The following TOP2A variants were observed in gnomAD, a reference collection of about 807,000 sequenced individuals.
TOP2A encodes the protein DNA topoisomerase II alpha.
Under a neutral mutation model 187.2 loss-of-function variants are expected in TOP2A, and 68 were observed. The ratio of observed to expected loss-of-function variants is 0.36; its 90% confidence interval spans 0.30 to 0.44. The LOEUF (loss-of-function observed/expected upper bound fraction) is 0.44, where lower values mean the gene tolerates loss of function less well. Ranked by LOEUF, TOP2A falls within the 20% of genes least tolerant of loss-of-function variation. TOP2A has a pLI of 1.00. For synonymous variants in TOP2A, 542 were observed against 593.2 expected (o/e 0.91, Z 1.25); for missense variants, 1,196 against 1,808.7 (o/e 0.66, Z 6.14).
At chr17:40,408,239 A>C (rs1460003898) in intron 11 of TOP2A, 115 bp from the exon 12 acceptor site, 4 of 899,890 alleles carry the variant, frequency 4.4e-6, no homozygotes, top group African/African-American at 1.7e-5. Context: ...TATAATGAGC[A>C]AAATTATTTG....
chr17:40,416,450 A>G lies in TOP2A; in HGVS notation c.240T>C (p.Gly80=), dbSNP rs779022619. 1 of 1,600,796 alleles carries G rather than the reference A, an allele frequency of 6.2e-7. No individual in the cohort carries two copies. Among genetic ancestry groups the G allele is most frequent in the Non-Finnish European group, 8.5e-7 (1 of 1,172,694 alleles). The part of the protein sequence containing the change: ...INYREVTFVP[G]LYKIFDEILV... ...GAATCTCATCAAAGATTTTGTACAA[A>G]CCAGGAACAAAAGTGACTTCCCTAT... The change falls in exon 3 of 35, where the codon GGT becomes GGC. Residue 80 remains glycine (G), a synonymous_variant. Transcript: ENST00000423485.
chr17:40,396,767 C>T (rs551347317), intron 27 of TOP2A, among the ~76,000 whole-genome samples: 1 of 151,714 alleles, frequency 6.6e-6, no homozygotes, highest in African/African-American at 2.4e-5. Context: ...AACTCACATA[C>T]AAAATATGAA....
In TOP2A at chr17:40,416,937, T is replaced by C. The variant is rs746342174; in HGVS notation, c.22-42A>G. The C allele has an allele frequency of 4.6e-6, 7 of 1,523,474 alleles. No homozygotes were observed. The African/African-American group carries it at 9.7e-5, about 21-fold the overall frequency. The allele number at this position is 1,523,474 out of a possible 1,614,324, so 94.4% of individuals were successfully genotyped here. On this transcript the variant is annotated intron_variant, in intron 1 of 34. Transcript: ENST00000423485. ...AAGAGAGAAAGAAGGGAATTTTTAA[T>C]CATAAGTTTACCCTAAACTAGGAAC...
intron 27 of TOP2A, among the ~76,000 whole-genome samples, chr17:40,397,746 C>A (rs1804499455): frequency 6.6e-6 from 1 of 151,436 alleles, no homozygotes; most frequent in South Asian, 2.1e-4. Context: ...TCTGGGCAGT[C>A]TCCTGGTATC....
chr17:40,391,719 A>G, intron 32 of TOP2A, 79 bp from the exon 33 acceptor site: 2 of 1,367,382 alleles, frequency 1.5e-6, no homozygotes, highest in Non-Finnish European at 9.7e-7. Flanking sequence ...CCCTGGTATG[A>G]ATTCCTATTT....
Position 40,399,914 on chromosome 17 carries a change from C to A in TOP2A, c.3154G>T (p.Ala1052Ser), listed in dbSNP as rs1374612424. ...GAESAKLNNQ[A>S]RFILEKIDGK... is the part of the protein sequence containing the mutation. ...TCTATTTTCTCTAAGATAAAGCGAGCCTGATTATTCAGTTTAGCAGATTCA... is the reference window on the plus strand; with the variant it reads ...TCTATTTTCTCTAAGATAAAGCGAGACTGATTATTCAGTTTAGCAGATTCA... Residue 1052 changes from alanine (A) to serine (S), a missense_variant, in exon 24 of 35, where the codon GCT (alanine) becomes TCT (serine). Physicochemically the swap from Ala to Ser is moderately conservative, Grantham distance 99. Transcript: ENST00000423485. The A allele has an allele frequency of 6.2e-7, 1 of 1,609,648 alleles. No homozygotes were observed. Among genetic ancestry groups the A allele is most frequent in the Non-Finnish European group, 8.5e-7 (1 of 1,178,498 alleles).
rs2035037278 is a variant in TOP2A, at chr17:40,392,486, C to T, written c.3964+99G>A. ...TTCAAAGCTTTAACATAATTTACTG[C>T]TCTATTAAGACACAGTAATTTCTGG... is the stretch of plus-strand genomic sequence containing the variant. On this transcript the variant is annotated intron_variant, in intron 30 of 34. Coordinates refer to ENST00000423485, the MANE Select transcript of TOP2A (RefSeq NM_001067.4). 5 of 1,465,680 alleles carry T rather than the reference C, an allele frequency of 3.4e-6. No individual in the cohort carries two copies. The East Asian group carries it at 1.1e-4, about 33-fold the overall frequency. The allele number at this position is 1,465,680 out of a possible 1,614,324, so 90.8% of individuals were successfully genotyped here.
rs2035155760 is a variant in TOP2A at position 40,400,049 on chromosome 17, C to T, written c.3019G>A (p.Gly1007Ser). 1 of 1,605,270 alleles carries T rather than the reference C, an allele frequency of 6.2e-7. No homozygotes were observed. The highest frequency in any genetic ancestry group is 1.3e-5 in the African/African-American group (1 of 74,246). ...CNSMVLFDHV[G>S]CLKKYDTVLD... is the part of the protein sequence containing the mutation. ...ACCGTGTCATATTTCTTTAAACAGC[C>T]TACGTGGTCAAAAAGCACCTGAAAA... Residue 1007 changes from glycine (G) to serine (S), a missense_variant, in exon 24 of 35, where the codon GGC becomes AGC. Transcript: ENST00000423485.
At chr17:40,395,339 C>T (rs915419247) in intron 29 of TOP2A, 110 bp downstream of exon 29, 3 of 386,014 alleles carry the variant, frequency 7.8e-6, no homozygotes, top group Non-Finnish European at 9.2e-6. Context: ...AGTCCTCTTT[C>T]ACGTTTCTCA....
rs1472102744 is a variant in TOP2A at position 40,400,636 on chromosome 17, T to C, written c.2692A>G (p.Thr898Ala). 6.2e-7 allele frequency: 1 copy of C among 1,603,626 alleles called. No homozygotes were observed. Among genetic ancestry groups the C allele is most frequent in the African/African-American group, 1.3e-5 (1 of 74,460 alleles). Residue 898 changes from threonine to alanine, a missense_variant, in exon 22 of 35, where the codon ACT becomes GCT. Transcript: ENST00000423485. ...TGATTTGGAGCCAGTTCTTCAATAG[T>C]ACCCTTGAAGTTCTTGTAACTTGGA... ...MLPSYKNFKGTIEELAPNQYV... is the reference protein window; with the variant it reads ...MLPSYKNFKGAIEELAPNQYV...
chr17:40,391,568 T>C lies in TOP2A; in HGVS notation c.4205A>G (p.Glu1402Gly). 6.2e-7 allele frequency: 1 copy of C among 1,613,218 alleles called. No individual in the cohort carries two copies. Among genetic ancestry groups the C allele is most frequent in the Non-Finnish European group, 8.5e-7 (1 of 1,179,548 alleles). The change falls in exon 33 of 35, where the codon GAA (glutamate) becomes GGA (glycine). Residue 1402 changes from glutamate (E) to glycine (G), a missense_variant. Transcript: ENST00000423485. ...SSPPATHFPD[E>G]TEITNPVPKK... ...AGGAACTGGGTTTGTAATTTCAGTTTCATCTGGGAAATGTGTAGCAGGAGG... is the reference window on the plus strand; with the variant it reads ...AGGAACTGGGTTTGTAATTTCAGTTCCATCTGGGAAATGTGTAGCAGGAGG...
chr17:40,403,058 T>G lies in TOP2A; in HGVS notation c.2284-4A>C. The G allele has an allele frequency of 6.3e-7, 1 of 1,589,884 alleles. No homozygotes were observed. Among genetic ancestry groups the G allele is most frequent in the Non-Finnish European group, 8.6e-7 (1 of 1,166,926 alleles). ...TAATGGTCATCATTAGTGACATCTGTGGGGAAAAAAAGATTCATTAAGCTG... is the reference window on the plus strand; with the variant it reads ...TAATGGTCATCATTAGTGACATCTGGGGGGAAAAAAAGATTCATTAAGCTG... On this transcript the variant is annotated splice_region_variant and splice_polypyrimidine_tract_variant and intron_variant, in intron 19 of 34. Transcript: ENST00000423485.
intron 27 of TOP2A, 45 bp downstream of exon 27, chr17:40,398,513 A>C: frequency 6.9e-7 from 1 of 1,457,158 alleles, no homozygotes; most frequent in Non-Finnish European, 9.3e-7. Flanking sequence ...GGAATATATT[A>C]TTTCATTAAT....
intron 30 of TOP2A, 38 bp downstream of exon 30, chr17:40,392,547 C>T (rs910886407): frequency 6.3e-7 from 1 of 1,586,990 alleles, no homozygotes; most frequent in African/African-American, 1.4e-5. Flanking sequence ...CCATTCCACT[C>T]TTACAGTTTA....
Position 40,399,939 on chromosome 17 carries a change from A to G in TOP2A, c.3129T>C (p.Ala1043=). The change falls in exon 24 of 35, where the codon GCT becomes GCC. Residue 1043 remains alanine (A), a synonymous_variant. Transcript: ENST00000423485. ...RKEWLLGMLG[A]ESAKLNNQAR... ...CCTGATTATTCAGTTTAGCAGATTC[A>G]GCACCAAGCATTCCTAGGAGCCATT... 1 of 1,613,018 alleles carries G rather than the reference A, an allele frequency of 6.2e-7. No homozygotes were observed. The highest frequency in any genetic ancestry group is 8.5e-7 in the Non-Finnish European group (1 of 1,179,508).
At position 40,411,510 on chromosome 17, in the gene TOP2A, T is replaced by G; in HGVS notation, c.964-55A>C. 6.3e-7 allele frequency: 1 copy of G among 1,584,760 alleles called. No homozygotes were observed. Among genetic ancestry groups the G allele is most frequent in the Non-Finnish European group, 8.7e-7 (1 of 1,153,706 alleles). ...CTCAGTATCCTCAAAATTATAATAA[T>G]CAAACATTAAAAACTAATTTAACCT... On this transcript the variant is annotated intron_variant, in intron 8 of 34. Coordinates refer to ENST00000423485, the MANE Select transcript of TOP2A (RefSeq NM_001067.4). The surrounding 1 kb of genome is among the most constrained non-coding windows in gnomAD (Gnocchi z 4.4).
chr17:40,417,030 A>G, intron 1 of TOP2A, 135 bp from the exon 2 acceptor site: 1 of 769,540 alleles, frequency 1.3e-6, no homozygotes, highest in East Asian at 2.7e-5. Context: ...TGGAGTTGCC[A>G]GTTTTGTACA....
intron 29 of TOP2A, among the ~76,000 whole-genome samples, chr17:40,394,292 G>T (rs2035063058): frequency 6.6e-6 from 1 of 152,080 alleles, no homozygotes; most frequent in South Asian, 2.1e-4. Flanking sequence ...GCAATAAATT[G>T]TATTAAAACT....
At chr17:40,416,226 G>A (rs986519685) in intron 3 of TOP2A, among the ~76,000 whole-genome samples, 158 bp from the exon 4 acceptor site, 3 of 152,176 alleles carry the variant, frequency 2.0e-5, no homozygotes, top group Admixed American at 6.5e-5. Flanking sequence ...CTGTTTCTAC[G>A]AGAAGCTCAA....
Sources: gnomAD v4.1 joint callset for allele counts (sites outside exome capture counted in the v4.1 genomes callset) on GRCh38, gnomAD v4.1.1 for gene constraint, Gnocchi (gnomAD v3.1) non-coding constraint, MANE v1.5 for transcripts, NCBI Gene and HGNC (gene_info 2026-07-23, HGNC 2026-07-21) for gene names.